Variants in DAGLB observed in about 807,000 individuals in gnomAD.
The protein encoded by DAGLB is diacylglycerol lipase-beta.
Under a neutral mutation model 72.1 loss-of-function variants are expected in DAGLB, and 66 were observed. That is an observed-to-expected ratio of 0.92 (90% CI 0.75 to 1.12). DAGLB has a LOEUF of 1.12. Ranked by LOEUF, DAGLB falls within the 50% of genes most tolerant of loss-of-function variation. DAGLB has a pLI of 0.00. For missense variants in DAGLB, 1,065 were observed against 884.9 expected, an observed-to-expected ratio of 1.20 and a Z score of -2.58; for synonymous variants, 414 against 359.5, an observed-to-expected ratio of 1.15 and a Z score of -1.71.
In DAGLB at chr7:6,435,435, G is replaced by A. The variant is rs763969386; in HGVS notation, c.420-415C>T. The A allele has an allele frequency of 1.2e-4, 20 of 162,860 alleles. No individual in the cohort carries two copies. The South Asian group carries it at 1.8e-3, about 15-fold the overall frequency. The allele number at this position is 162,860 out of a possible 1,614,324, so 10.1% of individuals were successfully genotyped here. On this transcript the variant is annotated intron_variant, in intron 3 of 14. Coordinates refer to ENST00000297056, the MANE Select transcript of DAGLB (RefSeq NM_139179.4). Reference sequence around the variant, plus strand: ...AGAGAGTCGGAGATTGCAGTGAGCCGAGGAGGCGCCACTGCACTCCAGCCG... The same window carrying A: ...AGAGAGTCGGAGATTGCAGTGAGCCAAGGAGGCGCCACTGCACTCCAGCCG...
chr7:6,414,736 C>T (rs145425650), intron 11 of DAGLB, among the ~76,000 whole-genome samples: 48 of 152,136 alleles, frequency 3.2e-4, no homozygotes, highest in African/African-American at 1.2e-3. Context: ...ACCAGTGCCC[C>T]GATTTCAGTT....
chr7:6,436,675 A>C (rs1189522625), intron 2 of DAGLB, 142 bp from the exon 3 acceptor site: 1 of 962,280 alleles, frequency 1.0e-6, no homozygotes, highest in Non-Finnish European at 1.5e-6. Context: ...ATAATTGGTA[A>C]TCAGCACCTA....
chr7:6,430,642 G>C (rs1269552801), intron 5 of DAGLB, 35 bp from the exon 6 acceptor site: 4 of 1,524,078 alleles, frequency 2.6e-6, no homozygotes, highest in South Asian at 2.5e-5. Flanking sequence ...TGTTTATTAA[G>C]GGAACTCCTG....
intron 6 of DAGLB, among the ~76,000 whole-genome samples, chr7:6,427,513 C>G (rs1053506248): frequency 6.6e-6 from 1 of 152,170 alleles, no homozygotes; most frequent in African/African-American, 2.4e-5. Context: ...TAAAAATTAT[C>G]TGGGTCTGGC....
chr7:6,447,687 A>T lies in DAGLB; in HGVS notation c.95+61T>A, dbSNP rs1218166564. 8 of 1,560,472 alleles carry T rather than the reference A, an allele frequency of 5.1e-6. No homozygotes were observed. The East Asian group carries it at 1.9e-4, about 37-fold the overall frequency. ...GCCACTTCTGTCACCGTCTCAAGGG[A>T]CAGCTCGCCCCCCGCTCCCTCTCCG... On this transcript the variant is annotated intron_variant, in intron 1 of 14. Coordinates refer to ENST00000297056, the MANE Select transcript of DAGLB (RefSeq NM_139179.4).
intron 9 of DAGLB, 44 bp from the exon 10 acceptor site, chr7:6,416,965 G>T: frequency 1.2e-6 from 2 of 1,605,848 alleles, no homozygotes; most frequent in South Asian, 2.2e-5. Context: ...CCTCAGACAA[G>T]GCAGGCCCAG....
chr7:6,447,170 T>C (rs1440553372), intron 1 of DAGLB, among the ~76,000 whole-genome samples: 1 of 152,182 alleles, frequency 6.6e-6, no homozygotes, highest in African/African-American at 2.4e-5. Context: ...AATGATTCAT[T>C]CCCTGCACAG....
At chr7:6,443,796 C>A (rs1430261375) in intron 2 of DAGLB, among the ~76,000 whole-genome samples, 1 of 152,132 alleles carries the variant, frequency 6.6e-6, no homozygotes. Flanking sequence ...TGGCATGTCA[C>A]ACAGCCCTGC....
At chr7:6,413,784 A>G (rs904506233) in intron 11 of DAGLB, among the ~76,000 whole-genome samples, 2 of 152,244 alleles carry the variant, frequency 1.3e-5, no homozygotes, top group Non-Finnish European at 2.9e-5. Context: ...GTCACATAAT[A>G]GTGCGTCCCG....
intron 4 of DAGLB, among the ~76,000 whole-genome samples, chr7:6,433,671 C>A (rs1012111438): frequency 6.6e-6 from 1 of 152,108 alleles, no homozygotes; most frequent in Non-Finnish European, 1.5e-5. Context: ...GAAACCCTGT[C>A]TCTACTATAA....
intron 2 of DAGLB, among the ~76,000 whole-genome samples, chr7:6,442,354 G>C (rs1015247356): frequency 1.3e-5 from 2 of 152,006 alleles, no homozygotes; most frequent in East Asian, 3.9e-4. Flanking sequence ...CGAGTGTCTA[G>C]GAAGAGGGAA....
Position 6,435,045 on chromosome 7 carries a change from C to G in DAGLB, c.420-25G>C, listed in dbSNP as rs1197868102. ...ACTGCAAGACAGAGAGAGGAAAAGGCTCGGTGACTGCGGGCCCCAGCCCAG... is the reference window on the plus strand; with the variant it reads ...ACTGCAAGACAGAGAGAGGAAAAGGGTCGGTGACTGCGGGCCCCAGCCCAG... On this transcript the variant is annotated intron_variant, in intron 3 of 14. Transcript: ENST00000297056. 1.9e-6 allele frequency: 3 copies of G among 1,609,850 alleles called. No homozygotes were observed. The South Asian group carries it at 3.3e-5, about 18-fold the overall frequency.
At chr7:6,437,840 C>G (rs944038626) in intron 2 of DAGLB, among the ~76,000 whole-genome samples, 1 of 152,094 alleles carries the variant, frequency 6.6e-6, no homozygotes, top group Admixed American at 6.6e-5. Flanking sequence ...CTGGGTTTCA[C>G]CATGTTGGCC....
intron 8 of DAGLB, among the ~76,000 whole-genome samples, chr7:6,424,520 G>A: frequency 6.6e-6 from 1 of 152,174 alleles, no homozygotes; most frequent in Middle Eastern, 3.2e-3. Flanking sequence ...TGTGGCGGGG[G>A]GGCCAACCTG....
chr7:6,427,581 TA>T (rs1293105348), intron 6 of DAGLB, among the ~76,000 whole-genome samples: 1 of 152,092 alleles, frequency 6.6e-6, no homozygotes, highest in East Asian at 1.9e-4. Context: ...CCCCGTCTCT[TA>T]AAAGACAAAC....
At chr7:6,424,035 G>T (rs990305057) in intron 8 of DAGLB, among the ~76,000 whole-genome samples, 3 of 151,478 alleles carry the variant, frequency 2.0e-5, no homozygotes, top group African/African-American at 4.9e-5. Context: ...CTGGACTTAG[G>T]GGGGCTACCC....
chr7:6,444,947 A>G (rs959565475), intron 2 of DAGLB, among the ~76,000 whole-genome samples: 1 of 152,118 alleles, frequency 6.6e-6, no homozygotes, highest in African/African-American at 2.4e-5. Flanking sequence ...ATCATGAGCT[A>G]CCACTTCACA....
chr7:6,417,395 G>A (rs181229709), intron 9 of DAGLB: 6 of 154,944 alleles, frequency 3.9e-5, no homozygotes, highest in Admixed American at 1.9e-4. Context: ...CTGGGCAGCA[G>A]AGTGAGACCC....
intron 2 of DAGLB, among the ~76,000 whole-genome samples, chr7:6,438,238 A>G (rs923607637): frequency 3.3e-5 from 5 of 152,244 alleles, no homozygotes; most frequent in Middle Eastern, 3.4e-3. Flanking sequence ...GCATTAGGAG[A>G]TATACCTAAT....
Sources: allele counts gnomAD v4.1 joint callset (sites outside exome capture counted in the v4.1 genomes callset), GRCh38; gene constraint gnomAD v4.1.1; transcripts MANE v1.5; gene names NCBI Gene and HGNC (gene_info 2026-07-23, HGNC 2026-07-21).